The following MYO9A variants were observed in gnomAD, a reference collection of about 807,000 sequenced individuals.
MYO9A encodes unconventional myosin-IXa.
Under a neutral mutation model 293.3 loss-of-function variants are expected in MYO9A, and 103 were observed. The ratio of observed to expected loss-of-function variants is 0.35; its 90% confidence interval spans 0.30 to 0.41. The LOEUF (loss-of-function observed/expected upper bound fraction) is 0.41. Among genes scored for constraint, MYO9A ranks in the 10% least tolerant of loss-of-function variants. The pLI, the probability that MYO9A is intolerant of heterozygous loss-of-function variation, is 1.00. For missense variants in MYO9A, 2,685 were observed against 3,033.0 expected, an observed-to-expected ratio of 0.89 and a Z score of 2.69; for synonymous variants, 1,001 against 1,035.7, an observed-to-expected ratio of 0.97 and a Z score of 0.64.
At chr15:71,979,551 C>T (rs1177957406) in intron 11 of MYO9A, among the ~76,000 whole-genome samples, 1 of 152,132 alleles carries the variant, frequency 6.6e-6, no homozygotes, top group African/African-American at 2.4e-5. Context: ...TGTCTCTTTT[C>T]TTTTTTCATT....
chr15:71,991,196 A>G lies in MYO9A; in HGVS notation c.1629T>C (p.Asp543=). The change falls in exon 11 of 42, where the codon GAT becomes GAC. Residue 543 remains aspartate, a synonymous_variant. Transcript: ENST00000356056. ...ACTGTTCAAAGCTGTTATTTTCATA[A>G]TCTTCAAACCCAAAAATATCAAGAA... ...IGVLDIFGFE[D]YENNSFEQFC... is the part of the protein sequence containing the mutation. 6.2e-7 allele frequency: 1 copy of G among 1,608,946 alleles called. No individual in the cohort carries two copies. Among genetic ancestry groups the G allele is most frequent in the East Asian group, 2.2e-5 (1 of 44,648 alleles).
chr15:71,851,437 A>C (rs2055643790), intron 36 of MYO9A, 79 bp from the exon 37 acceptor site: 2 of 1,138,280 alleles, frequency 1.8e-6, no homozygotes, highest in African/African-American at 1.5e-5. Context: ...ACTATGAAGC[A>C]AAGAAGGCTG....
At chr15:72,029,018 G>T (rs2077775735) in intron 3 of MYO9A, among the ~76,000 whole-genome samples, 1 of 152,160 alleles carries the variant, frequency 6.6e-6, no homozygotes, top group South Asian at 2.1e-4. Flanking sequence ...AGGATATTAT[G>T]CGTACACAAA....
At chr15:71,923,644 T>C (rs544958125) in intron 18 of MYO9A, among the ~76,000 whole-genome samples, 2 of 152,304 alleles carry the variant, frequency 1.3e-5, no homozygotes, top group African/African-American at 4.8e-5. Flanking sequence ...ATAGTTGCCT[T>C]ATAGTTGTTA....
chr15:72,052,494 G>A lies in MYO9A; in HGVS notation c.-71-5860C>T, dbSNP rs144838644. ...CTAAAAGAGCTATAACACAAACAGGGCTGAAATACGCCCCTTGTTCGTCCC... is the reference window on the plus strand; with the variant it reads ...CTAAAAGAGCTATAACACAAACAGGACTGAAATACGCCCCTTGTTCGTCCC... On this transcript the variant is annotated intron_variant, in intron 1 of 41. Coordinates refer to ENST00000356056, the MANE Select transcript of MYO9A (RefSeq NM_006901.4). Among the ~76,000 whole-genome samples the A allele has an allele frequency of 8.5e-5, 13 of 152,322 alleles. No individual in the cohort carries two copies. In the East Asian group the frequency reaches 1.7e-3, roughly 20 times the overall value.
At chr15:72,039,052 T>C (rs758919606) in intron 2 of MYO9A, among the ~76,000 whole-genome samples, 46 of 152,266 alleles carry the variant, frequency 3.0e-4, no homozygotes, top group Non-Finnish European at 6.2e-4. Context: ...GTTAGATAGA[T>C]ACAATGTGCA....
chr15:71,940,702 T>G (rs2058751420), intron 15 of MYO9A, among the ~76,000 whole-genome samples: 1 of 152,140 alleles, frequency 6.6e-6, no homozygotes, highest in Non-Finnish European at 1.5e-5. Context: ...GACCTACAGA[T>G]CAATGCATTT....
intron 4 of MYO9A, among the ~76,000 whole-genome samples, chr15:72,023,986 T>G (rs1218037606): frequency 6.6e-6 from 1 of 152,016 alleles, no homozygotes; most frequent in Non-Finnish European, 1.5e-5. Context: ...GATTAACAGC[T>G]GATTTCTCAT....
chr15:71,899,485 A>C (rs2057421789), intron 24 of MYO9A, among the ~76,000 whole-genome samples: 1 of 152,172 alleles, frequency 6.6e-6, no homozygotes, highest in African/African-American at 2.4e-5. Context: ...GTAGATTTTC[A>C]ATCCAATTTA....
chr15:71,899,663 AATT>A (rs1225396253), intron 24 of MYO9A, 21 bp downstream of exon 24: 1 of 1,565,888 alleles, frequency 6.4e-7, no homozygotes, highest in African/African-American at 1.4e-5. Flanking sequence ...GAAAAAAAGC[AATT>A]ATTATAGTAA....
intron 18 of MYO9A, among the ~76,000 whole-genome samples, chr15:71,925,274 C>CAT (rs2058272851): frequency 4.0e-5 from 6 of 149,280 alleles, no homozygotes; most frequent in African/African-American, 1.2e-4. Flanking sequence ...TACATATATA[C>CAT]ATATACGTAT....
At chr15:72,099,432 A>AAG (rs1169627409) in intron 1 of MYO9A, among the ~76,000 whole-genome samples, 4 of 146,092 alleles carry the variant, frequency 2.7e-5, no homozygotes, top group Non-Finnish European at 4.6e-5. Flanking sequence ...CAAAAAAAAA[A>AAG]AAAAAAAAAA....
At chr15:72,107,812 C>CAAT (rs34453440) in intron 1 of MYO9A, among the ~76,000 whole-genome samples, 139,125 of 147,736 alleles carry the variant, frequency 0.94, 65,959 homozygotes, top group East Asian at 1. Context: ...AAAAAAAAAA[C>CAAT]GTCTGCAAAT....
intron 1 of MYO9A, among the ~76,000 whole-genome samples, chr15:72,090,251 C>G (rs938128877): frequency 2.0e-5 from 3 of 152,104 alleles, no homozygotes; most frequent in Admixed American, 6.5e-5. Context: ...TCTTTTAATA[C>G]TCTGGATTAA....
intron 27 of MYO9A, among the ~76,000 whole-genome samples, chr15:71,886,504 T>C (rs1049013641): frequency 1.6e-4 from 25 of 152,128 alleles, no homozygotes; most frequent in African/African-American, 6.0e-4. Flanking sequence ...CCCTCAATTG[T>C]ATCTAGTAAA....
chr15:71,966,952 C>T (rs532349467), intron 13 of MYO9A, among the ~76,000 whole-genome samples: 7 of 152,242 alleles, frequency 4.6e-5, no homozygotes, highest in African/African-American at 1.7e-4. Context: ...TGTTACTCTC[C>T]TTAGTTCATT....
intron 13 of MYO9A, among the ~76,000 whole-genome samples, chr15:71,965,724 C>T (rs955291902): frequency 1.3e-5 from 2 of 152,152 alleles, no homozygotes; most frequent in East Asian, 1.9e-4. Context: ...GGCAAAAGAG[C>T]GAAGCGAGAC....
intron 36 of MYO9A, 85 bp from the exon 37 acceptor site, chr15:71,851,443 G>C (rs919265026): frequency 7.4e-6 from 8 of 1,077,364 alleles, no homozygotes; most frequent in Non-Finnish European, 1.1e-5. Flanking sequence ...AAGCAAAGAA[G>C]GCTGGCTACA....
intron 32 of MYO9A, among the ~76,000 whole-genome samples, chr15:71,866,939 C>A (rs932878207): frequency 6.6e-6 from 1 of 152,006 alleles, no homozygotes; most frequent in Non-Finnish European, 1.5e-5. Flanking sequence ...CACCTGTGGT[C>A]CCAGCTACTC....
Sources: gnomAD v4.1 joint callset for allele counts (sites outside exome capture counted in the v4.1 genomes callset) on GRCh38, gnomAD v4.1.1 for gene constraint, MANE v1.5 for transcripts, NCBI Gene and HGNC (gene_info 2026-07-23, HGNC 2026-07-21) for gene names.